The following OLFM3 variants were observed in gnomAD, a reference collection of about 807,000 sequenced individuals.
OLFM3 encodes olfactomedin 3.
OLFM3 carries 20 observed loss-of-function variants against 48.6 expected under a neutral mutation model. The observed-to-expected ratio is 0.41, with a 90% CI of 0.29 to 0.60. OLFM3 has a LOEUF of 0.60. Among genes scored for constraint, OLFM3 ranks in the 20% least tolerant of loss-of-function variants. The pLI, the probability that OLFM3 is intolerant of heterozygous loss-of-function variation, is 0.28. For synonymous variants in OLFM3, 222 were observed against 198.1 expected (o/e 1.12, Z -1.01); for missense variants, 437 against 544.3 (o/e 0.80, Z 1.96).
chr1:101,925,345 A>G (rs1408133690), intron 1 of OLFM3, among the ~76,000 whole-genome samples: 1 of 151,608 alleles, frequency 6.6e-6, no homozygotes, highest in African/African-American at 2.4e-5. Context: ...ATGAAATATC[A>G]CTGTCTTTAA....
chr1:101,839,612 C>A (rs1349958368), intron 1 of OLFM3, among the ~76,000 whole-genome samples: 1 of 152,184 alleles, frequency 6.6e-6, no homozygotes, highest in East Asian at 1.9e-4. Context: ...ATTTTAACAG[C>A]AGTCCAAACA....
chr1:101,900,159 A>G (rs1329281370), intron 1 of OLFM3, among the ~76,000 whole-genome samples: 1 of 152,190 alleles, frequency 6.6e-6, no homozygotes, highest in Non-Finnish European at 1.5e-5. Flanking sequence ...GTTTCCCACT[A>G]GAATGCAAAT....
intron 2 of OLFM3, among the ~76,000 whole-genome samples, chr1:101,831,217 A>G (rs960210472): frequency 6.6e-6 from 1 of 152,180 alleles, no homozygotes; most frequent in Non-Finnish European, 1.5e-5. Context: ...AATATTTAGG[A>G]TGTTTAGCAA....
intron 1 of OLFM3, among the ~76,000 whole-genome samples, chr1:101,896,204 T>G (rs1658194927): frequency 6.6e-6 from 1 of 152,110 alleles, no homozygotes; most frequent in African/African-American, 2.4e-5. Flanking sequence ...TTCCTGAATT[T>G]AAACTGACCA....
At chr1:101,953,794 C>G (rs1384974619) in intron 1 of OLFM3, among the ~76,000 whole-genome samples, 1 of 152,100 alleles carries the variant, frequency 6.6e-6, no homozygotes, top group Non-Finnish European at 1.5e-5. Flanking sequence ...CCAGCAGGTA[C>G]TGTGACCCAT....
rs10159342 is a variant in OLFM3 at position 101,942,759 on chromosome 1, G to A, written c.69+53989C>T. ...CAGTTAATGAATAAGTTACTGGAGA[G>A]TGACATTTGAATAATAGCATTGCAT... On this transcript the variant is annotated intron_variant, in intron 1 of 5. Transcript: ENST00000370103. Among the ~76,000 whole-genome samples the A allele has an allele frequency of 5.4e-3, 815 of 152,302 alleles. 7 individuals carry two copies. Among genetic ancestry groups the A allele is most frequent in the African/African-American group, 0.019 (769 of 41,562 alleles).
chr1:101,943,380 T>C (rs1187434290), intron 1 of OLFM3, among the ~76,000 whole-genome samples: 1 of 152,244 alleles, frequency 6.6e-6, no homozygotes, highest in South Asian at 2.1e-4. Context: ...CCCCACAATT[T>C]TGTAAGACAG....
chr1:101,822,844 A>G (rs1197269704), intron 4 of OLFM3, among the ~76,000 whole-genome samples: 1 of 150,118 alleles, frequency 6.7e-6, no homozygotes, highest in Non-Finnish European at 1.5e-5. Context: ...TATATTAACC[A>G]TAAACTCCAC....
intron 1 of OLFM3, among the ~76,000 whole-genome samples, chr1:101,973,287 G>C (rs1046043948): frequency 1.3e-5 from 2 of 152,190 alleles, no homozygotes; most frequent in Non-Finnish European, 2.9e-5. Context: ...GAGGCCAAAG[G>C]CCTGAGAACC....
At chr1:101,966,544 C>T (rs1055341422) in intron 1 of OLFM3, among the ~76,000 whole-genome samples, 5 of 152,142 alleles carry the variant, frequency 3.3e-5, no homozygotes, top group Admixed American at 1.3e-4. Flanking sequence ...TCCCTTCCAG[C>T]GCACTGATTG....
At chr1:101,891,429 TTAAAA>T (rs1200442681) in intron 1 of OLFM3, among the ~76,000 whole-genome samples, 1 of 151,834 alleles carries the variant, frequency 6.6e-6, no homozygotes, top group Non-Finnish European at 1.5e-5. Flanking sequence ...TATATGAATA[TTAAAA>T]TAAAAGCAAT....
At chr1:101,886,460 G>A (rs1027158081) in intron 1 of OLFM3, among the ~76,000 whole-genome samples, 12 of 152,032 alleles carry the variant, frequency 7.9e-5, no homozygotes, top group Non-Finnish European at 1.8e-4. Flanking sequence ...AAATAAAGTG[G>A]TGATGTTTCT....
In OLFM3 at chr1:101,803,661, A is replaced by G. The variant is rs1653602167; in HGVS notation, c.*577T>C. The G allele has an allele frequency of 6.6e-6, 1 of 152,272 alleles. No individual in the cohort carries two copies. 9.4% of individuals were successfully genotyped at this position (152,272 alleles called of 1,614,324 possible). On this transcript the variant is annotated 3_prime_UTR_variant, in exon 6 of 6. Coordinates refer to ENST00000370103, the MANE Select transcript of OLFM3 (RefSeq NM_058170.4). Reference sequence around the variant, plus strand: ...ATAGCACAATGGTGGTTACAATGGTAGAAATACATACTGCCAATAAAATGT... The same window carrying G: ...ATAGCACAATGGTGGTTACAATGGTGGAAATACATACTGCCAATAAAATGT...
rs113729179 is a variant in OLFM3, at chr1:101,941,134, G to A, written c.69+55614C>T. On this transcript the variant is annotated intron_variant, in intron 1 of 5. Coordinates refer to ENST00000370103, the MANE Select transcript of OLFM3 (RefSeq NM_058170.4). ...AAAAGTGCGAAGTGTGATGGCACCA[G>A]CAGATTGGAAGCACAGGTCCCCAAG... is the stretch of plus-strand genomic sequence containing the variant. Among the ~76,000 whole-genome samples, 760 of 152,260 alleles carry A rather than the reference G, an allele frequency of 5.0e-3. 15 individuals are homozygous for A. The highest frequency in any genetic ancestry group is 0.017 in the African/African-American group (717 of 41,526).
At chr1:101,830,351 A>G (rs1384442253) in intron 3 of OLFM3, among the ~76,000 whole-genome samples, 1 of 152,194 alleles carries the variant, frequency 6.6e-6, no homozygotes, top group Non-Finnish European at 1.5e-5. Flanking sequence ...TATATCATCT[A>G]CATCTTTCTT....
At chr1:101,873,802 C>T (rs138326278) in intron 1 of OLFM3, among the ~76,000 whole-genome samples, 194 of 151,782 alleles carry the variant, frequency 1.3e-3, no homozygotes, top group Non-Finnish European at 1.4e-3. Flanking sequence ...AATAATGGTA[C>T]TCTGAGAACT....
chr1:101,994,946 C>T (rs1661518199), intron 1 of OLFM3, among the ~76,000 whole-genome samples: 1 of 151,802 alleles, frequency 6.6e-6, no homozygotes, highest in African/African-American at 2.4e-5. Context: ...AATAAACTCA[C>T]CAAAACTAGA....
Position 101,996,925 on chromosome 1 carries a change from G to A in OLFM3, c.-109C>T, listed in dbSNP as rs1397953118. The A allele has an allele frequency of 8.4e-7, 1 of 1,187,770 alleles. No individual in the cohort carries two copies. Among genetic ancestry groups the A allele is most frequent in the Non-Finnish European group, 1.2e-6 (1 of 810,318 alleles). 73.6% of individuals were successfully genotyped at this position (1,187,770 alleles called of 1,614,324 possible). A position where few individuals can be genotyped will look rare whatever the true frequency, so the allele number is the denominator to read the frequency against. On this transcript the variant is annotated 5_prime_UTR_variant, in exon 1 of 6. Transcript: ENST00000370103. ...CTTTCTGCCTGCCAGTCAGAGCCGA[G>A]TGGAAGCAGAGGCGGCGGCAGCAGC... is the stretch of plus-strand genomic sequence containing the variant.
At chr1:101,932,370 C>T (rs192316375) in intron 1 of OLFM3, among the ~76,000 whole-genome samples, 1 of 152,170 alleles carries the variant, frequency 6.6e-6, no homozygotes, top group East Asian at 1.9e-4. Context: ...TAGCTCCTAC[C>T]AATAGACCAC....
Sources: allele counts gnomAD v4.1 joint callset (sites outside exome capture counted in the v4.1 genomes callset), GRCh38; gene constraint gnomAD v4.1.1; transcripts MANE v1.5; gene names NCBI Gene and HGNC (gene_info 2026-07-23, HGNC 2026-07-21).